ESR1: variants seen among roughly 807,000 people sequenced by gnomAD.
ESR1 encodes the protein estrogen receptor.
A neutral mutation model predicts 52.7 loss-of-function variants in ESR1; 12 were observed. The observed-to-expected ratio is 0.23, with a 90% CI of 0.15 to 0.37. The LOEUF is 0.37. Among genes scored for constraint, ESR1 ranks in the 10% least tolerant of loss-of-function variants. The probability of loss-of-function intolerance (pLI) is 1.00; values close to 1 mark genes in which losing one functional copy is unlikely to be tolerated. For synonymous variants in ESR1, 305 were observed against 316.8 expected, an observed-to-expected ratio of 0.96 and a Z score of 0.39; for missense variants, 584 against 779.7, an observed-to-expected ratio of 0.75 and a Z score of 2.99.
intron 1 of ESR1, among the ~76,000 whole-genome samples, chr6:151,820,854 T>C (rs1780445445): frequency 6.6e-6 from 1 of 152,184 alleles, no homozygotes; most frequent in Admixed American, 6.5e-5. Context: ...TAAATGAAAT[T>C]CTACAAAGAC....
chr6:152,101,560 G>A lies in ESR1; in HGVS notation c.*2594G>A, dbSNP rs1304919184. 4.3e-6 allele frequency: 1 copy of A among 230,784 alleles called. No individual in the cohort carries two copies. The highest frequency in any genetic ancestry group is 2.2e-5 in the African/African-American group (1 of 45,162). 14.3% of individuals were successfully genotyped at this position (230,784 alleles called of 1,614,324 possible). On this transcript the variant is annotated 3_prime_UTR_variant, in exon 8 of 8. Coordinates refer to ENST00000206249, the MANE Select transcript of ESR1 (RefSeq NM_000125.4). The stretch of plus-strand genomic sequence containing the variant: ...CGCCCAGGGGTCTCCAGCAACTTTG[G>A]AAATCTCTTTGTATTTTTACTTGAA...
At chr6:151,946,748 G>A (rs1295884687) in intron 4 of ESR1, among the ~76,000 whole-genome samples, 2 of 152,206 alleles carry the variant, frequency 1.3e-5, no homozygotes, top group Middle Eastern at 3.4e-3. Flanking sequence ...TAAATCAAAG[G>A]CCTACTTGCC....
At chr6:151,686,442 T>C (rs1160567585), upstream of ESR1, among the ~76,000 whole-genome samples, 8 of 152,076 alleles carry the variant, frequency 5.3e-5, no homozygotes, top group Admixed American at 5.2e-4. Context: ...TCCCAGCATT[T>C]TGGGAGGCCG....
intron 2 of ESR1, among the ~76,000 whole-genome samples, chr6:151,795,672 C>A (rs892192354): frequency 1.3e-5 from 2 of 152,066 alleles, no homozygotes; most frequent in South Asian, 4.1e-4. Flanking sequence ...CATTTGGTTA[C>A]ATCTACCAAA....
intron 2 of ESR1, among the ~76,000 whole-genome samples, chr6:151,855,421 C>T (rs948046792): frequency 1.3e-5 from 2 of 152,118 alleles, no homozygotes; most frequent in South Asian, 4.1e-4. Flanking sequence ...TTTCATTTCT[C>T]CCTGTTTCAC....
At chr6:152,062,154 C>A (rs1227957156) in intron 6 of ESR1, among the ~76,000 whole-genome samples, 1 of 152,128 alleles carries the variant, frequency 6.6e-6, no homozygotes, top group Non-Finnish European at 1.5e-5. Context: ...CTTCTCTTTC[C>A]ACGTGTTTTT....
chr6:151,804,090 G>A (rs1777537226), upstream of ESR1, among the ~76,000 whole-genome samples: 1 of 101,944 alleles, frequency 9.8e-6, no homozygotes, highest in African/African-American at 3.8e-5. Context: ...AGAGAGCTGG[G>A]AGCCCGAGTG....
intron 1 of ESR1, among the ~76,000 whole-genome samples, chr6:151,685,052 C>T (rs1400563856): frequency 5.5e-5 from 8 of 144,336 alleles, no homozygotes; most frequent in Admixed American, 4.2e-4. Flanking sequence ...GGAAGTTAAA[C>T]TTAGCAACAG....
chr6:151,684,752 C>A (rs1274020351), intron 1 of ESR1, among the ~76,000 whole-genome samples: 4 of 152,204 alleles, frequency 2.6e-5, no homozygotes, highest in Non-Finnish European at 5.9e-5. Context: ...TCCTGCGGGG[C>A]CAGGTGAACA....
intron 4 of ESR1, among the ~76,000 whole-genome samples, chr6:152,003,256 GATTA>G (rs2042090376): frequency 6.6e-6 from 1 of 151,730 alleles, no homozygotes; most frequent in Admixed American, 6.6e-5. Context: ...AGAGCTGTGA[GATTA>G]ATTCTTTTCT....
At position 151,766,973 on chromosome 6, in the gene ESR1, T is replaced by A. The variant is rs148003866; in HGVS notation, c.-70-40870T>A. The stretch of plus-strand genomic sequence containing the variant: ...TCTACTGAAATGGTTTAGCTTCTTA[T>A]CTTTCCAGACAACAGATAAGGACTT... On this transcript the variant is annotated intron_variant, in intron 2 of 2. Coordinates refer to the ESR1 transcript ENST00000404742. Among the ~76,000 whole-genome samples the A allele has an allele frequency of 3.3e-5, 5 of 152,338 alleles. No individual in the cohort carries two copies. The East Asian group carries it at 5.8e-4, about 18-fold the overall frequency.
At chr6:151,792,651 G>T (rs1480225827) in intron 2 of ESR1, among the ~76,000 whole-genome samples, 1 of 151,970 alleles carries the variant, frequency 6.6e-6, no homozygotes, top group African/African-American at 2.4e-5. Context: ...TGTTGACCAG[G>T]CTGGTCTTGA....
Position 151,736,375 on chromosome 6 carries a change from G to GTTTTTTTTT in ESR1, c.-71+34377_-71+34385dup, listed in dbSNP as rs10624912. On this transcript the variant is annotated intron_variant, in intron 2 of 2. Coordinates refer to the ESR1 transcript ENST00000404742. ...AAATACTTACTGTATTCCAGGTAGT[G>GTTTTTTTTT]TTTTTTTTTTTTTTTGAGATGGAGT... Among the ~76,000 whole-genome samples, 6 of 112,736 alleles carry GTTTTTTTTT rather than the reference G, an allele frequency of 5.3e-5. 1 individual carries two copies. The highest frequency in any genetic ancestry group is 1.5e-4 in the African/African-American group (4 of 26,140). The allele number at this position is 112,736 out of a possible 152,430, so 74.0% of individuals were successfully genotyped here.
intron 1 of ESR1, among the ~76,000 whole-genome samples, chr6:151,696,805 A>G (rs1349691471): frequency 6.6e-6 from 1 of 152,204 alleles, no homozygotes; most frequent in Non-Finnish European, 1.5e-5. Context: ...GCTGAGCACC[A>G]CGGTGAGGAA....
chr6:151,892,270 C>A lies in ESR1; in HGVS notation c.760+11499C>A, dbSNP rs12193186. ...AGATTAACAATGGAATGGTTAGAAT[C>A]CAAAGCTAAAGGTAGTATATACAAG... On this transcript the variant is annotated intron_variant, in intron 3 of 7. Transcript: ENST00000206249. 1.8e-4 allele frequency among the ~76,000 whole-genome samples: 27 copies of A among 152,090 alleles called. No homozygotes were observed. In the South Asian group the frequency reaches 1.9e-3, roughly 11 times the overall value.
intron 3 of ESR1, among the ~76,000 whole-genome samples, chr6:151,924,196 C>G (rs749957651): frequency 1.1e-4 from 17 of 152,096 alleles, no homozygotes; most frequent in Non-Finnish European, 2.1e-4. Flanking sequence ...GCGCCTGCCA[C>G]CATACCCGGC....
At chr6:152,071,603 G>A (rs898050197) in intron 6 of ESR1, among the ~76,000 whole-genome samples, 2 of 152,112 alleles carry the variant, frequency 1.3e-5, no homozygotes, top group African/African-American at 4.8e-5. Flanking sequence ...TTTGTATTAG[G>A]TACTGTTTTA....
At position 152,112,207 on chromosome 6, in the gene ESR1, C is replaced by T. The variant is rs542281185; in HGVS notation, c.851-13059C>T. The stretch of plus-strand genomic sequence containing the variant: ...ACTCAAGGCAGCTCCAGGCTTCTGT[C>T]TATGGAAAAAGCAGCTAAACTTTGA... On this transcript the variant is annotated intron_variant, in intron 6 of 6. Transcript: ENST00000427531. 4.3e-4 allele frequency among the ~76,000 whole-genome samples: 65 copies of T among 152,258 alleles called. 1 individual carries two copies. The highest frequency in any genetic ancestry group is 3.4e-3 in the Middle Eastern group (1 of 294).
intron 4 of ESR1, among the ~76,000 whole-genome samples, chr6:151,988,129 G>A (rs545428437): frequency 6.6e-6 from 1 of 152,210 alleles, no homozygotes; most frequent in African/African-American, 2.4e-5. Context: ...CATTAATTGT[G>A]CACTTTATTT....
Sources: gnomAD v4.1 joint callset for allele counts (sites outside exome capture counted in the v4.1 genomes callset) on GRCh38, gnomAD v4.1.1 for gene constraint, MANE v1.5 for transcripts, NCBI Gene and HGNC (gene_info 2026-07-23, HGNC 2026-07-21) for gene names.